The following ZNF682 variants were observed in gnomAD, a reference collection of about 807,000 sequenced individuals.
The protein encoded by ZNF682 is zinc finger protein 682.
ZNF682 carries 29 observed loss-of-function variants against 36.5 expected under a neutral mutation model. The observed-to-expected ratio is 0.80, with a 90% CI of 0.59 to 1.08. ZNF682 has a LOEUF of 1.08. Ranked by LOEUF, ZNF682 falls within the 50% of genes least tolerant of loss-of-function variation. The pLI is 0.00. For synonymous variants in ZNF682, 180 were observed against 197.0 expected (o/e 0.91, Z 0.72); for missense variants, 561 against 579.7 (o/e 0.97, Z 0.33).
chr19:19,996,012 G>A (rs1288107105), downstream of ZNF682, among the ~76,000 whole-genome samples: 1 of 152,208 alleles, frequency 6.6e-6, no homozygotes, highest in East Asian at 1.9e-4. Flanking sequence ...AGCAGATGGT[G>A]GCTGAAGGTG....
chr19:20,017,705 G>A (rs1036023067), intron 3 of ZNF682, among the ~76,000 whole-genome samples: 1 of 152,006 alleles, frequency 6.6e-6, no homozygotes, highest in African/African-American at 2.4e-5. Flanking sequence ...AGACCAATTA[G>A]ACCTAAGAGA....
At chr19:20,016,132 G>T (rs1385346164) in intron 3 of ZNF682, among the ~76,000 whole-genome samples, 1 of 152,112 alleles carries the variant, frequency 6.6e-6, no homozygotes, top group South Asian at 2.1e-4. Context: ...ACAACATGGT[G>T]AAACTCCATC....
chr19:20,029,511 G>C (rs531836659), intron 1 of ZNF682, among the ~76,000 whole-genome samples: 1 of 150,942 alleles, frequency 6.6e-6, no homozygotes, highest in South Asian at 2.1e-4. Flanking sequence ...TGAGGTGGGA[G>C]AACTGCTTGA....
In ZNF682 at chr19:20,030,336, G is replaced by A. The variant is rs547437611; in HGVS notation, c.4-5960C>T. Among the ~76,000 whole-genome samples, 417 of 152,284 alleles carry A rather than the reference G, an allele frequency of 2.7e-3. 4 individuals are homozygous for A. Among genetic ancestry groups the A allele is most frequent in the African/African-American group, 9.6e-3 (398 of 41,552 alleles). On this transcript the variant is annotated intron_variant, in intron 1 of 3. Transcript: ENST00000397165. ...TGTAATCCCAGTACTTTGGAAGACC[G>A]AGGTGGGTGGATCACCTAAGGTCAG...
intron 1 of ZNF682, among the ~76,000 whole-genome samples, chr19:20,035,003 T>G (rs1406439141): frequency 1.8e-5 from 1 of 56,460 alleles, no homozygotes; most frequent in African/African-American, 6.3e-5. Context: ...GGCTGAGGTA[T>G]GAGAATATCG....
chr19:20,036,542 G>A (rs1415197382), intron 1 of ZNF682, among the ~76,000 whole-genome samples: 5 of 140,044 alleles, frequency 3.6e-5, no homozygotes, highest in African/African-American at 1.1e-4. Flanking sequence ...GGAGGCAGAG[G>A]TTACAGTGAG....
intron 3 of ZNF682, among the ~76,000 whole-genome samples, chr19:20,013,314 T>G (rs753214278): frequency 3.3e-5 from 5 of 151,988 alleles, no homozygotes; most frequent in African/African-American, 4.8e-5. Context: ...TATATTATCA[T>G]CAGGGTTCCC....
At chr19:20,035,961 C>T (rs1254092356) in intron 1 of ZNF682, among the ~76,000 whole-genome samples, 1 of 152,066 alleles carries the variant, frequency 6.6e-6, no homozygotes, top group Admixed American at 6.6e-5. Flanking sequence ...GTCTTGAACT[C>T]CTGACCTCAG....
rs1445751388 is a variant in ZNF682, at chr19:20,039,022, C to CG, written c.3+320dup. ...GCACTTCCCACGCACAAACCACACA[C>CG]GGGGTCTGGACTCTGCCCTGAGGAC... On this transcript the variant is annotated intron_variant, in intron 1 of 3. Transcript: ENST00000397165. Among the ~76,000 whole-genome samples, 19 of 152,320 alleles carry CG rather than the reference C, an allele frequency of 1.2e-4. No homozygotes were observed. The East Asian group carries it at 3.5e-3, about 28-fold the overall frequency.
intron 3 of ZNF682, among the ~76,000 whole-genome samples, chr19:20,018,008 T>C (rs1053128522): frequency 1.3e-4 from 19 of 150,638 alleles, no homozygotes; most frequent in Admixed American, 1.1e-3. Flanking sequence ...TTCAATGTAA[T>C]ATCTATCAAA....
At chr19:20,003,704 C>CA (rs200490998), downstream of ZNF682, among the ~76,000 whole-genome samples, 1,620 of 98,296 alleles carry the variant, frequency 0.016, 22 homozygotes, top group African/African-American at 0.045. Context: ...GACTCCGTCT[C>CA]AAAAAAAAAA....
At chr19:20,021,532 A>G (rs1203241950) in intron 3 of ZNF682, among the ~76,000 whole-genome samples, 1 of 152,222 alleles carries the variant, frequency 6.6e-6, no homozygotes, top group Non-Finnish European at 1.5e-5. Context: ...CTGTGAGGTT[A>G]ACAGATGCAT....
chr19:20,007,250 G>A lies in ZNF682; in HGVS notation c.252C>T (p.Asp84=), dbSNP rs1180559255. The part of the protein sequence containing the change: ...PPAMSSHYTE[D]LLPEQCMQDS... The stretch of plus-strand genomic sequence containing the variant: ...CTTGCATGCACTGTTCTGGCAAAAG[G>A]TCTTCAGTGTAATGAGAAGACATAG... The change falls in exon 4 of 4, where the codon GAC becomes GAT. Residue 84 remains aspartate, a synonymous_variant. Coordinates refer to ENST00000397165, the MANE Select transcript of ZNF682 (RefSeq NM_033196.3). 13 of 1,610,106 alleles carry A rather than the reference G, an allele frequency of 8.1e-6. No individual in the cohort carries two copies. In the Admixed American group the frequency reaches 1.5e-4, roughly 19 times the overall value.
chr19:20,026,760 C>T (rs1167332142), intron 1 of ZNF682, among the ~76,000 whole-genome samples: 1 of 152,120 alleles, frequency 6.6e-6, no homozygotes, highest in Non-Finnish European at 1.5e-5. Context: ...GCCACTGTGC[C>T]CAGTCACAAA....
chr19:20,022,168 C>CAA (rs1029656204), intron 3 of ZNF682, among the ~76,000 whole-genome samples: 3 of 61,066 alleles, frequency 4.9e-5, no homozygotes, highest in African/African-American at 1.8e-4. Flanking sequence ...AACTCCGTCG[C>CAA]AAAAAAAAAA....
At chr19:20,003,238 G>T (rs1599599999), downstream of ZNF682, among the ~76,000 whole-genome samples, 2 of 122,770 alleles carry the variant, frequency 1.6e-5, no homozygotes, top group Admixed American at 8.0e-5. Flanking sequence ...AGCAACAAAG[G>T]AAAGATTGGC....
At position 20,037,739 on chromosome 19, in the gene ZNF682, AT is replaced by A. The variant is rs138273494; in HGVS notation, c.3+1603del. Among the ~76,000 whole-genome samples, 1,013 of 151,934 alleles carry A rather than the reference AT, an allele frequency of 6.7e-3. 10 individuals are homozygous for A. Among genetic ancestry groups the A allele is most frequent in the African/African-American group, 0.023 (967 of 41,394 alleles). ...TTGGGTGTTCCTTGTCCTTGGGGAT[AT>A]TTTTTTTCTCTCTTCACCAATCTGA... On this transcript the variant is annotated intron_variant, in intron 1 of 3. Coordinates refer to ENST00000397165, the MANE Select transcript of ZNF682 (RefSeq NM_033196.3).
chr19:20,011,984 C>T (rs771723329), intron 3 of ZNF682, among the ~76,000 whole-genome samples: 11 of 151,654 alleles, frequency 7.3e-5, no homozygotes, highest in Non-Finnish European at 1.0e-4. Flanking sequence ...TTGCAGTGAG[C>T]GGAGATTGCG....
In ZNF682 at chr19:20,032,798, C is replaced by T. The variant is rs190022274; in HGVS notation, c.3+6545G>A. Among the ~76,000 whole-genome samples the T allele has an allele frequency of 2.8e-3, 423 of 152,306 alleles. 4 individuals carry two copies. The highest frequency in any genetic ancestry group is 9.0e-3 in the African/African-American group (372 of 41,562). On this transcript the variant is annotated intron_variant, in intron 1 of 3. Coordinates refer to ENST00000397165, the MANE Select transcript of ZNF682 (RefSeq NM_033196.3). The stretch of plus-strand genomic sequence containing the variant: ...TCATAATTAGTCCTCAAGAAGACCA[C>T]GTGACAGCACTCACTTGTCGTAGAT...
Sources: gnomAD v4.1 joint callset for allele counts (sites outside exome capture counted in the v4.1 genomes callset) on GRCh38, gnomAD v4.1.1 for gene constraint, MANE v1.5 for transcripts, NCBI Gene and HGNC (gene_info 2026-07-23, HGNC 2026-07-21) for gene names.